The following DNAH9 variants were observed in gnomAD, a reference collection of about 807,000 sequenced individuals.
DNAH9 encodes DNAH9 variant protein.
In DNAH9, 345 loss-of-function variants were observed where a neutral mutation model predicts 471.6. The observed-to-expected ratio is 0.73, with a 90% CI of 0.67 to 0.80. DNAH9 has a LOEUF of 0.80. Among genes scored for constraint, DNAH9 ranks in the 30% least tolerant of loss-of-function variants. DNAH9 has a pLI of 0.00. For synonymous variants in DNAH9, 2,093 were observed against 2,123.6 expected (o/e 0.99, Z 0.40); for missense variants, 5,407 against 5,609.2 (o/e 0.96, Z 1.15).
intron 28 of DNAH9, among the ~76,000 whole-genome samples, chr17:11,729,043 C>A (rs960853609): frequency 1.3e-5 from 2 of 152,052 alleles, no homozygotes; most frequent in Non-Finnish European, 2.9e-5. Flanking sequence ...TAGTAGCAGG[C>A]GGAAATGCCT....
intron 62 of DNAH9, among the ~76,000 whole-genome samples, chr17:11,929,577 A>G (rs1974438966): frequency 6.6e-6 from 1 of 152,200 alleles, no homozygotes; most frequent in South Asian, 2.1e-4. Context: ...GAATACTGGG[A>G]GGTCCTCACT....
In DNAH9 at chr17:11,942,484, A is replaced by G. The variant is rs201695575; in HGVS notation, c.12842A>G (p.Lys4281Arg). The part of the protein sequence containing the change: ...RSLRELELGL[K>R]GELTMTSHME... ...CTGAGGGAGCTGGAGCTCGGCTTAA[A>G]GGTGAGCGCGGTCTTGTAAGGCATG... Residue 4281 changes from lysine (K) to arginine (R), a missense_variant and splice_region_variant, in exon 67 of 69, where the codon AAG (lysine) becomes AGG (arginine). Physicochemically the swap from Lys to Arg is conservative, Grantham distance 26. Transcript: ENST00000262442. The G allele has an allele frequency of 2.8e-4, 459 of 1,613,422 alleles. No individual in the cohort carries two copies. Among genetic ancestry groups the G allele is most frequent in the Non-Finnish European group, 1.1e-4 (126 of 1,179,712 alleles).
At position 11,605,589 on chromosome 17, in the gene DNAH9, C is replaced by G. The variant is rs1287346493; in HGVS notation, c.418-2540C>G. 2.6e-5 allele frequency among the ~76,000 whole-genome samples: 4 copies of G among 152,014 alleles called. No homozygotes were observed. In the South Asian group the frequency reaches 6.2e-4, roughly 24 times the overall value. ...TTTCAGCTCACTGCAGACTCGACCT[C>G]CCTGGGCTCAAGCGATCCTCTCACC... On this transcript the variant is annotated intron_variant, in intron 1 of 68. Coordinates refer to ENST00000262442, the MANE Select transcript of DNAH9 (RefSeq NM_001372.4).
chr17:11,907,268 C>T (rs879458334), intron 61 of DNAH9, among the ~76,000 whole-genome samples: 56 of 151,978 alleles, frequency 3.7e-4, no homozygotes, highest in Non-Finnish European at 7.5e-4. Context: ...GTCAGGAGTT[C>T]GAGACTAGCC....
At chr17:11,663,823 C>T (rs940921185) in intron 14 of DNAH9, among the ~76,000 whole-genome samples, 1 of 152,182 alleles carries the variant, frequency 6.6e-6, no homozygotes, top group African/African-American at 2.4e-5. Flanking sequence ...CCGAGAGAAA[C>T]TCTGTCTTGT....
intron 14 of DNAH9, among the ~76,000 whole-genome samples, chr17:11,655,619 A>G (rs893300041): frequency 0.011 from 3 of 276 alleles, no homozygotes; most frequent in Non-Finnish European, 0.037. Context: ...ATATATATAC[A>G]CACACACACA....
rs1194125386 is a variant in DNAH9 at position 11,739,019 on chromosome 17, A to G, written c.5954A>G (p.Asn1985Ser). The change falls in exon 29 of 69, where the codon AAT (asparagine) becomes AGT (serine). Residue 1985 changes from asparagine (N) to serine (S), a missense_variant. Asn to Ser is a conservative substitution (Grantham distance 46). Around this residue, in one of 3 missense-constraint regions of DNAH9, gnomAD observed 4,636 missense variants for 4,900.3 expected, o/e 0.95. Transcript: ENST00000262442. The part of the protein sequence containing the change: ...GYAGRTELPE[N>S]LKSLFRPCAM... ...GCTGGCCGCACAGAGCTGCCAGAGA[A>G]TCTCAAGTCTCTCTTCAGGTGAGTG... 1 of 1,613,706 alleles carries G rather than the reference A, an allele frequency of 6.2e-7. No homozygotes were observed. The highest frequency in any genetic ancestry group is 1.3e-5 in the African/African-American group (1 of 74,922).
chr17:11,747,773 G>A lies in DNAH9; in HGVS notation c.6610+7G>A, dbSNP rs753344442. On this transcript the variant is annotated splice_region_variant and intron_variant, in intron 32 of 68. Transcript: ENST00000262442. ...ACAGGAGAATGGAAGGATGGTAAGA[G>A]TGGGATTCTCCCAGGAGAAAGTCTC... 7 of 1,611,334 alleles carry A rather than the reference G, an allele frequency of 4.3e-6. No individual in the cohort carries two copies. The East Asian group carries it at 1.6e-4, about 36-fold the overall frequency.
chr17:11,762,773 T>TTGTTTTG (rs1869657119), intron 35 of DNAH9, among the ~76,000 whole-genome samples: 2 of 109,226 alleles, frequency 1.8e-5, no homozygotes, highest in Non-Finnish European at 1.8e-5. Flanking sequence ...TTTTTTTGTT[T>TTGTTTTG]TTTTTTTTTT....
chr17:11,686,510 A>C (rs2074244803), intron 19 of DNAH9, among the ~76,000 whole-genome samples: 1 of 152,142 alleles, frequency 6.6e-6, no homozygotes, highest in Non-Finnish European at 1.5e-5. Context: ...AGGTCTATGA[A>C]TATCCTGACA....
At position 11,937,863 on chromosome 17, in the gene DNAH9, T is replaced by C. The variant is rs1974765566; in HGVS notation, c.12660+341T>C. ...GCTTGGGAACCTTGAATGTGACTTCTTGATCCCCTGGCAAACCAAGCAAGG... is the reference window on the plus strand; with the variant it reads ...GCTTGGGAACCTTGAATGTGACTTCCTGATCCCCTGGCAAACCAAGCAAGG... On this transcript the variant is annotated intron_variant, in intron 66 of 68. Coordinates refer to ENST00000262442, the MANE Select transcript of DNAH9 (RefSeq NM_001372.4). This position sits in a 1 kb window ranked among gnomAD's most constrained non-coding sequence, Gnocchi z 4.1. 1.3e-5 allele frequency among the ~76,000 whole-genome samples: 2 copies of C among 152,186 alleles called. No individual in the cohort carries two copies.
intron 66 of DNAH9, among the ~76,000 whole-genome samples, chr17:11,942,061 T>G (rs747898145): frequency 6.6e-6 from 1 of 152,170 alleles, no homozygotes; most frequent in Non-Finnish European, 1.5e-5. Context: ...GTTCATCTTA[T>G]TATGCTAGGC....
rs188484101 is a variant in DNAH9, at chr17:11,880,213, T to C, written c.10601+13T>C. On this transcript the variant is annotated intron_variant, in intron 54 of 68. Transcript: ENST00000262442. ...TTAAAAAAGGACGGTAAGACTCAGC[T>C]GTGTTGCTGACCCTTCGGGGGGAGC... The C allele has an allele frequency of 8.7e-6, 14 of 1,612,400 alleles. No individual in the cohort carries two copies. In the African/African-American group the frequency reaches 1.6e-4, roughly 18 times the overall value.
At chr17:11,905,546 C>A in intron 60 of DNAH9, 115 bp from the exon 61 acceptor site, 1 of 1,136,334 alleles carries the variant, frequency 8.8e-7, no homozygotes, top group Non-Finnish European at 1.2e-6. Flanking sequence ...TCTATAACTA[C>A]CTAGCCCATG....
intron 38 of DNAH9, among the ~76,000 whole-genome samples, chr17:11,773,052 C>T (rs1377552631): frequency 6.6e-6 from 1 of 152,104 alleles, no homozygotes; most frequent in Non-Finnish European, 1.5e-5. Flanking sequence ...AGCTAGAAAC[C>T]AGGTATCAAA....
intron 42 of DNAH9, among the ~76,000 whole-genome samples, chr17:11,795,163 C>T (rs901042518): frequency 5.3e-5 from 8 of 152,068 alleles, no homozygotes; most frequent in African/African-American, 1.7e-4. Flanking sequence ...GTATTGGACC[C>T]TAAAATTCTT....
At chr17:11,923,761 A>T in intron 61 of DNAH9, 53 bp from the exon 62 acceptor site, 1 of 1,602,218 alleles carries the variant, frequency 6.2e-7, no homozygotes, top group South Asian at 1.1e-5. Context: ...TGAACATCAA[A>T]CATCCATCAT....
In DNAH9 at chr17:11,962,934, G is replaced by A. The variant is rs56342833; in HGVS notation, c.13233+678G>A. 0.17 allele frequency among the ~76,000 whole-genome samples: 26,505 copies of A among 152,158 alleles called. 2,416 individuals are homozygous for A. The highest frequency in any genetic ancestry group is 0.21 in the Admixed American group (3,221 of 15,286). ...TTATCAAAGGCTAATAAAAACGTGAGTCACATGAGATTGGAGAAGATGTTT... is the reference window on the plus strand; with the variant it reads ...TTATCAAAGGCTAATAAAAACGTGAATCACATGAGATTGGAGAAGATGTTT... On this transcript the variant is annotated intron_variant, in intron 68 of 68. Transcript: ENST00000262442. The surrounding 1 kb of genome is among the most constrained non-coding windows in gnomAD (Gnocchi z 4.1).
intron 61 of DNAH9, among the ~76,000 whole-genome samples, chr17:11,911,250 G>A (rs533246085): frequency 7.9e-4 from 121 of 152,260 alleles, no homozygotes; most frequent in Admixed American, 2.7e-3. Context: ...CCCTTGACAC[G>A]TAGATATCCA....
Sources: gnomAD v4.1 joint callset for allele counts (sites outside exome capture counted in the v4.1 genomes callset) on GRCh38, gnomAD v4.1.1 for gene constraint, gnomAD v4.1.1 regional missense constraint, Gnocchi (gnomAD v3.1) non-coding constraint, MANE v1.5 for transcripts, NCBI Gene and HGNC (gene_info 2026-07-23, HGNC 2026-07-21) for gene names.